The following EHMT1 variants were observed in gnomAD, a reference collection of about 807,000 sequenced individuals.
EHMT1 encodes histone-lysine N-methyltransferase EHMT1.
EHMT1 carries 15 observed loss-of-function variants against 147.2 expected under a neutral mutation model. The ratio of observed to expected loss-of-function variants is 0.10; its 90% CI spans 0.07 to 0.16. The LOEUF is 0.16. Ranked by LOEUF, EHMT1 falls within the 10% of genes least tolerant of loss-of-function variation. The pLI is 1.00. For synonymous variants in EHMT1, 795 were observed against 709.6 expected (o/e 1.12, Z -1.91); for missense variants, 1,587 against 1,772.4 (o/e 0.90, Z 1.88).
rs1311778642 is a variant in EHMT1, at chr9:137,756,896, G to A, written c.1370-984G>A. Among the ~76,000 whole-genome samples the A allele has an allele frequency of 3.9e-5, 6 of 152,154 alleles. No homozygotes were observed. The South Asian group carries it at 8.3e-4, about 21-fold the overall frequency. On this transcript the variant is annotated intron_variant, in intron 8 of 26. Coordinates refer to ENST00000460843, the MANE Select transcript of EHMT1 (RefSeq NM_024757.5). ...TTCTCAAAGGTGGTTGACTTTTCCT[G>A]TCTGTCTAAGATCTAGGTGGAGCAT... is the stretch of plus-strand genomic sequence containing the variant.
At chr9:137,699,169 C>A (rs1277073977) in intron 1 of EHMT1, among the ~76,000 whole-genome samples, 1 of 152,160 alleles carries the variant, frequency 6.6e-6, no homozygotes, top group Non-Finnish European at 1.5e-5. Flanking sequence ...CTGAGCTCTT[C>A]ACAAAAGTTT....
chr9:137,669,794 C>T (rs935390570), intron 1 of EHMT1, among the ~76,000 whole-genome samples: 51 of 152,126 alleles, frequency 3.4e-4, no homozygotes, highest in Admixed American at 2.4e-3. Flanking sequence ...CTTAAGTGAT[C>T]CTCCCATCTG....
chr9:137,820,241 C>T (rs1022872597), intron 25 of EHMT1: 1 of 152,260 alleles, frequency 6.6e-6, no homozygotes, highest in African/African-American at 2.4e-5. Context: ...AGTGTACAGG[C>T]ATCTCCCTGT....
At chr9:137,712,730 C>T (rs1220111698) in intron 2 of EHMT1, among the ~76,000 whole-genome samples, 1 of 152,158 alleles carries the variant, frequency 6.6e-6, no homozygotes, top group Admixed American at 6.6e-5. Context: ...TGTCTTTCCC[C>T]TTTCTTGATG....
chr9:137,672,135 C>A (rs1940741647), intron 1 of EHMT1, among the ~76,000 whole-genome samples: 1 of 152,216 alleles, frequency 6.6e-6, no homozygotes, highest in African/African-American at 2.4e-5. Flanking sequence ...CCATAGAGGG[C>A]GTGCAGCAGG....
chr9:137,638,056 T>C (rs914121021), intron 1 of EHMT1: 26 of 152,074 alleles, frequency 1.7e-4, no homozygotes, highest in African/African-American at 6.3e-4. Context: ...TTTTTCTCTT[T>C]TTCTTGGTCA....
At chr9:137,698,028 A>G (rs371273106) in intron 1 of EHMT1, among the ~76,000 whole-genome samples, 5 of 135,418 alleles carry the variant, frequency 3.7e-5, no homozygotes, top group Non-Finnish European at 6.3e-5. Flanking sequence ...GGAGGCCTCA[A>G]TCCCCACTGT....
intron 25 of EHMT1, among the ~76,000 whole-genome samples, chr9:137,819,513 G>A (rs34122856): frequency 1.6e-3 from 2 of 1,218 alleles, no homozygotes; most frequent in Non-Finnish European, 3.1e-3. Context: ...TAGGGGCGCC[G>A]TGTACCGAGA....
intron 1 of EHMT1, among the ~76,000 whole-genome samples, chr9:137,680,126 C>T (rs1168309149): frequency 2.0e-5 from 3 of 152,024 alleles, no homozygotes; most frequent in Non-Finnish European, 4.4e-5. Flanking sequence ...GTATTGTGTT[C>T]CTGTTTTTAG....
chr9:137,771,663 G>T (rs1950592190), intron 10 of EHMT1, among the ~76,000 whole-genome samples: 1 of 151,544 alleles, frequency 6.6e-6, no homozygotes, highest in Non-Finnish European at 1.5e-5. Flanking sequence ...AGATGGGGGT[G>T]CTGGGGTCTT....
At chr9:137,674,339 G>A (rs553777747) in intron 1 of EHMT1, among the ~76,000 whole-genome samples, 19 of 152,272 alleles carry the variant, frequency 1.2e-4, no homozygotes, top group African/African-American at 3.6e-4. Context: ...CTCTTCACTG[G>A]CATCTATCAA....
intron 2 of EHMT1, among the ~76,000 whole-genome samples, chr9:137,711,487 G>T (rs1944715283): frequency 6.6e-6 from 1 of 152,126 alleles, no homozygotes; most frequent in Admixed American, 6.6e-5. Flanking sequence ...CTTTTGTACG[G>T]TTTGTTAAGT....
At chr9:137,695,359 A>ACGGAGCCCTGGAGCTGGGGTTTGCT (rs1943315634) in intron 1 of EHMT1, among the ~76,000 whole-genome samples, 1 of 152,096 alleles carries the variant, frequency 6.6e-6, no homozygotes. Flanking sequence ...GGGAGCATGG[A>ACGGAGCCCTGGAGCTGGGGTTTGCT]CGGAGCCCTG....
At chr9:137,741,706 G>A (rs1257283039) in intron 4 of EHMT1, among the ~76,000 whole-genome samples, 1 of 152,222 alleles carries the variant, frequency 6.6e-6, no homozygotes, top group Admixed American at 6.5e-5. Flanking sequence ...AGTCAGCCCT[G>A]CAGAACCTGT....
chr9:137,687,767 G>A (rs957555349), intron 1 of EHMT1, among the ~76,000 whole-genome samples: 10 of 152,204 alleles, frequency 6.6e-5, no homozygotes, highest in African/African-American at 2.2e-4. Context: ...TTGGATTTCC[G>A]AGCCTCCAGA....
chr9:137,799,834 G>A (rs987287486), intron 17 of EHMT1, among the ~76,000 whole-genome samples: 5 of 152,198 alleles, frequency 3.3e-5, no homozygotes, highest in South Asian at 2.1e-4. Context: ...TGCCCTGAGC[G>A]CCCAGAGGTC....
chr9:137,728,419 A>G lies in EHMT1; in HGVS notation c.713A>G (p.Asn238Ser), dbSNP rs1004363452. The change falls in exon 4 of 27, where the codon AAC (asparagine) becomes AGC (serine). Residue 238 changes from asparagine (N) to serine (S), a missense_variant. Transcript: ENST00000460843. ...CATAAGGAACCAAAAGAGGAGATCAACAAAAACATTTCTGACTTTGGACGA... is the reference window on the plus strand; with the variant it reads ...CATAAGGAACCAAAAGAGGAGATCAGCAAAAACATTTCTGACTTTGGACGA... ...RDHKEPKEEI[N>S]KNISDFGRQQ... The G allele has an allele frequency of 8.1e-6, 13 of 1,614,094 alleles. No homozygotes were observed. In the Admixed American group the frequency reaches 1.0e-4, roughly 12 times the overall value.
At chr9:137,817,028 C>A in intron 23 of EHMT1, 2 of 266,460 alleles carry the variant, frequency 7.5e-6, no homozygotes, top group East Asian at 2.0e-4. Context: ...CACCCTCCCC[C>A]AGCCCTGAGG....
intron 6 of EHMT1, among the ~76,000 whole-genome samples, chr9:137,744,493 A>T (rs1007434109): frequency 5.3e-5 from 8 of 150,800 alleles, no homozygotes; most frequent in Non-Finnish European, 1.0e-4. Context: ...TAATTTTTAA[A>T]TTTTTTTGTG....
Sources: allele counts gnomAD v4.1 joint callset (sites outside exome capture counted in the v4.1 genomes callset), GRCh38; gene constraint gnomAD v4.1.1; transcripts MANE v1.5; gene names NCBI Gene and HGNC (gene_info 2026-07-23, HGNC 2026-07-21).